Variants in CAMK4 observed in about 807,000 individuals in gnomAD.
CAMK4 encodes the protein calcium/calmodulin-dependent protein kinase type IV.
A neutral mutation model predicts 44.9 loss-of-function variants in CAMK4; 22 were observed. The ratio of observed to expected loss-of-function variants is 0.49; its 90% CI spans 0.35 to 0.70. CAMK4 has a LOEUF of 0.70. Among genes scored for constraint, CAMK4 ranks in the 30% least tolerant of loss-of-function variants. The pLI, the probability that CAMK4 is intolerant of heterozygous loss-of-function variation, is 0.01. For missense variants in CAMK4, 498 were observed against 586.8 expected (o/e 0.85, Z 1.56); for synonymous variants, 218 against 215.4 (o/e 1.01, Z -0.11).
At chr5:111,419,260 C>T (rs1308568918) in intron 5 of CAMK4, among the ~76,000 whole-genome samples, 1 of 152,192 alleles carries the variant, frequency 6.6e-6, no homozygotes, top group Non-Finnish European at 1.5e-5. Context: ...AGTGTCTGTT[C>T]AAATCCTTCG....
intron 4 of CAMK4, among the ~76,000 whole-genome samples, chr5:111,383,790 A>G (rs1751500558): frequency 6.6e-6 from 1 of 152,104 alleles, no homozygotes; most frequent in Non-Finnish European, 1.5e-5. Context: ...AAATGTCATC[A>G]ACTGGAGAAT....
intron 4 of CAMK4, among the ~76,000 whole-genome samples, chr5:111,388,422 A>T (rs1458058624): frequency 1.3e-5 from 2 of 152,190 alleles, no homozygotes; most frequent in Non-Finnish European, 2.9e-5. Context: ...GGCTCACATT[A>T]GAAGTTATGA....
intron 1 of CAMK4, among the ~76,000 whole-genome samples, chr5:111,284,611 G>A (rs1323781212): frequency 1.3e-5 from 2 of 152,150 alleles, no homozygotes; most frequent in Admixed American, 1.3e-4. Flanking sequence ...GCTTAGTTTA[G>A]AGCTGCAAGA....
intron 1 of CAMK4, among the ~76,000 whole-genome samples, chr5:111,263,827 G>A (rs1750107150): frequency 6.6e-6 from 1 of 152,066 alleles, no homozygotes; most frequent in African/African-American, 2.4e-5. Context: ...TATTCTGATA[G>A]CCACGTGTCA....
intron 1 of CAMK4, among the ~76,000 whole-genome samples, chr5:111,329,448 A>T (rs979742680): frequency 6.6e-6 from 1 of 151,878 alleles, no homozygotes; most frequent in African/African-American, 2.4e-5. Flanking sequence ...GTCCCTGTTT[A>T]CAGATGACAA....
chr5:111,247,418 T>C (rs971082500), intron 1 of CAMK4, among the ~76,000 whole-genome samples: 1 of 147,992 alleles, frequency 6.8e-6, no homozygotes, highest in Admixed American at 6.8e-5. Context: ...AATTTATGTA[T>C]ATTTATACTT....
chr5:111,413,576 C>CA (rs34333932), intron 5 of CAMK4, among the ~76,000 whole-genome samples: 1,334 of 133,326 alleles, frequency 0.01, 5 homozygotes, highest in Non-Finnish European at 0.013. Context: ...CACTCCATCT[C>CA]AAAAAAAAAA....
intron 5 of CAMK4, among the ~76,000 whole-genome samples, chr5:111,418,114 A>C (rs1752878951): frequency 6.6e-6 from 1 of 152,058 alleles, no homozygotes; most frequent in Non-Finnish European, 1.5e-5. Context: ...GTTTTCCTTA[A>C]GCGTTGGCCA....
intron 1 of CAMK4, among the ~76,000 whole-genome samples, chr5:111,283,796 A>G (rs1357526823): frequency 6.6e-6 from 1 of 152,208 alleles, no homozygotes; most frequent in Non-Finnish European, 1.5e-5. Context: ...AAAACATACC[A>G]TGGAATTGAT....
intron 1 of CAMK4, among the ~76,000 whole-genome samples, chr5:111,252,947 G>T (rs774625115): frequency 6.6e-6 from 1 of 152,236 alleles, no homozygotes; most frequent in Non-Finnish European, 1.5e-5. Flanking sequence ...ATTGATGACA[G>T]CTGTGCATGG....
intron 7 of CAMK4, among the ~76,000 whole-genome samples, chr5:111,472,086 G>C (rs1014018698): frequency 1.3e-5 from 2 of 151,826 alleles, no homozygotes; most frequent in Non-Finnish European, 2.9e-5. Flanking sequence ...GTAGAGACAG[G>C]GTTTCACCAT....
chr5:111,343,968 C>G (rs1749756314), intron 1 of CAMK4, 56 bp from the exon 2 acceptor site: 1 of 1,004,042 alleles, frequency 1.0e-6, no homozygotes, highest in Non-Finnish European at 1.5e-6. Flanking sequence ...TCAAGCTTTC[C>G]CCTTTAATTC....
chr5:111,335,813 C>T (rs1394419176), intron 1 of CAMK4, among the ~76,000 whole-genome samples: 1 of 151,376 alleles, frequency 6.6e-6, no homozygotes, highest in East Asian at 2.0e-4. Context: ...TATGTATGTA[C>T]ACATATTATA....
At chr5:111,378,118 G>A (rs1287937657) in intron 4 of CAMK4, among the ~76,000 whole-genome samples, 1 of 151,988 alleles carries the variant, frequency 6.6e-6, no homozygotes, top group African/African-American at 2.4e-5. Flanking sequence ...GGTCATAAAG[G>A]TGGAGCCCTC....
At chr5:111,342,278 C>A (rs886359706) in intron 1 of CAMK4, among the ~76,000 whole-genome samples, 1 of 151,408 alleles carries the variant, frequency 6.6e-6, no homozygotes, top group East Asian at 2.0e-4. Context: ...ATAAGATTTT[C>A]TTTCAGGTAT....
In CAMK4 at chr5:111,486,039, G is replaced by T. The variant is rs971120197; in HGVS notation, c.*1573G>T. 1.3e-5 allele frequency: 2 copies of T among 152,022 alleles called. No homozygotes were observed. Among genetic ancestry groups the T allele is most frequent in the African/African-American group, 4.8e-5 (2 of 41,398 alleles). 9.4% of individuals were successfully genotyped at this position (152,022 alleles called of 1,614,324 possible). ...TCACATAAAAATCCTTGTTAAAAAA[G>T]AGATCTTAAATTATGTTGGCTCTCC... On this transcript the variant is annotated 3_prime_UTR_variant, in exon 11 of 11. Coordinates refer to ENST00000282356, the MANE Select transcript of CAMK4 (RefSeq NM_001744.6).
chr5:111,361,403 CATT>C (rs1472765989), intron 2 of CAMK4, among the ~76,000 whole-genome samples: 6 of 152,020 alleles, frequency 3.9e-5, no homozygotes, highest in Admixed American at 1.3e-4. Context: ...GCACATAAAT[CATT>C]GTTGTTTGAT....
In CAMK4 at chr5:111,332,597, C is replaced by T. The variant is rs149020789; in HGVS notation, c.162-11427C>T. 6.6e-5 allele frequency among the ~76,000 whole-genome samples: 10 copies of T among 151,472 alleles called. No homozygotes were observed. In the East Asian group the frequency reaches 9.8e-4, roughly 15 times the overall value. Reference sequence around the variant, plus strand: ...TAACCTCAGTCTTAAGGAGAGTGTTCGCTGCAATGAAATAACTTTTCTAGT... The same window carrying T: ...TAACCTCAGTCTTAAGGAGAGTGTTTGCTGCAATGAAATAACTTTTCTAGT... On this transcript the variant is annotated intron_variant, in intron 1 of 10. Transcript: ENST00000282356.
chr5:111,465,551 A>G (rs1235104911), intron 7 of CAMK4, among the ~76,000 whole-genome samples: 1 of 152,198 alleles, frequency 6.6e-6, no homozygotes, highest in Non-Finnish European at 1.5e-5. Flanking sequence ...GAAATGCAAA[A>G]GATCATTCAG....
Sources: gnomAD v4.1 joint callset for allele counts (sites outside exome capture counted in the v4.1 genomes callset) on GRCh38, gnomAD v4.1.1 for gene constraint, MANE v1.5 for transcripts, NCBI Gene and HGNC (gene_info 2026-07-23, HGNC 2026-07-21) for gene names.